Variants in FILIP1L observed in about 807,000 individuals in gnomAD.
FILIP1L encodes filamin A-interacting protein 1-like.
FILIP1L carries 55 observed loss-of-function variants against 96.6 expected under a neutral mutation model. That is an observed-to-expected ratio of 0.57 (90% confidence interval 0.46 to 0.71). The LOEUF (loss-of-function observed/expected upper bound fraction) is 0.71, where lower values mean the gene tolerates loss of function less well. Among genes scored for constraint, FILIP1L ranks in the 30% least tolerant of loss-of-function variants. The probability of loss-of-function intolerance (pLI) is 0.00; values close to 1 mark genes in which losing one functional copy is unlikely to be tolerated. For missense variants in FILIP1L, 1,304 were observed against 1,321.2 expected, an observed-to-expected ratio of 0.99 and a Z score of 0.20; for synonymous variants, 467 against 473.9, an observed-to-expected ratio of 0.99 and a Z score of 0.19.
intron 1 of FILIP1L, among the ~76,000 whole-genome samples, chr3:100,029,733 G>A (rs1223864994): frequency 2.0e-5 from 3 of 152,126 alleles, no homozygotes; most frequent in East Asian, 1.9e-4. Context: ...ATAAAAACCA[G>A]CAACTTCAAA....
chr3:99,939,319 A>G (rs1434960108), intron 1 of FILIP1L, among the ~76,000 whole-genome samples: 1 of 152,222 alleles, frequency 6.6e-6, no homozygotes, highest in Non-Finnish European at 1.5e-5. Context: ...TAGTTCGTGT[A>G]TCCTGGTTCT....
At chr3:100,021,960 T>TGTGTGTGTGTGAGAGAGA (rs1321185364) in intron 1 of FILIP1L, among the ~76,000 whole-genome samples, 5 of 93,332 alleles carry the variant, frequency 5.4e-5, no homozygotes, top group South Asian at 4.4e-4. Context: ...TGTGTGTGTG[T>TGTGTGTGTGTGAGAGAGA]GAGAGAGAGA....
intron 1 of FILIP1L, among the ~76,000 whole-genome samples, chr3:100,053,517 T>C (rs147502125): frequency 6.6e-6 from 1 of 152,334 alleles, no homozygotes; most frequent in South Asian, 2.1e-4. Context: ...GTCACTGGAT[T>C]GGGGCCTACC....
chr3:99,878,126 G>C (rs1260582250), intron 4 of FILIP1L, among the ~76,000 whole-genome samples: 4 of 152,134 alleles, frequency 2.6e-5, no homozygotes. Flanking sequence ...CTACTTGCCT[G>C]GTTACATTAC....
chr3:100,020,079 A>G (rs1227681700), intron 1 of FILIP1L, among the ~76,000 whole-genome samples: 1 of 152,274 alleles, frequency 6.6e-6, no homozygotes, highest in Non-Finnish European at 1.5e-5. Flanking sequence ...GCCTTACTAT[A>G]ATCCAGAACT....
At chr3:99,832,857 AG>A (rs1942736931) in intron 5 of FILIP1L, among the ~76,000 whole-genome samples, 1 of 139,340 alleles carries the variant, frequency 7.2e-6, no homozygotes, top group Non-Finnish European at 1.5e-5. Flanking sequence ...AAAAAAAAAA[AG>A]TTGTTTTTTT....
At chr3:99,949,997 A>T (rs1161979908) in intron 1 of FILIP1L, among the ~76,000 whole-genome samples, 1 of 152,156 alleles carries the variant, frequency 6.6e-6, no homozygotes, top group African/African-American at 2.4e-5. Context: ...TTTCATAATC[A>T]AAGGTATGCT....
At chr3:100,073,457 C>G (rs548705799) in intron 1 of FILIP1L, among the ~76,000 whole-genome samples, 1 of 152,058 alleles carries the variant, frequency 6.6e-6, no homozygotes, top group African/African-American at 2.4e-5. Flanking sequence ...GCAGCTTCCT[C>G]GAAAAGACTG....
intron 4 of FILIP1L, chr3:99,875,947 C>T: frequency 1.7e-6 from 1 of 586,396 alleles, no homozygotes; most frequent in Non-Finnish European, 2.2e-6. Context: ...TCATTGGATG[C>T]GCTTTGCGAA....
At chr3:99,838,617 T>C (rs1013946427) in intron 5 of FILIP1L, among the ~76,000 whole-genome samples, 4 of 152,160 alleles carry the variant, frequency 2.6e-5, no homozygotes, top group African/African-American at 9.7e-5. Flanking sequence ...ATTCAACTTA[T>C]AATGAATTTA....
chr3:99,895,197 AC>A (rs1377428015), intron 4 of FILIP1L, among the ~76,000 whole-genome samples: 1 of 152,096 alleles, frequency 6.6e-6, no homozygotes, highest in Admixed American at 6.5e-5. Context: ...GTTAAACTTA[AC>A]TATATTTTAT....
chr3:99,913,199 G>A (rs1706846428), intron 4 of FILIP1L, among the ~76,000 whole-genome samples: 1 of 152,130 alleles, frequency 6.6e-6, no homozygotes, highest in Non-Finnish European at 1.5e-5. Context: ...TTGTTTACAA[G>A]CCACCCAATC....
chr3:99,865,839 A>G (rs1259425409), intron 4 of FILIP1L, among the ~76,000 whole-genome samples: 2 of 151,878 alleles, frequency 1.3e-5, no homozygotes, highest in Non-Finnish European at 2.9e-5. Context: ...ATTGCTCACA[A>G]TCCATTTATA....
At chr3:99,998,811 C>T (rs887020269) in intron 1 of FILIP1L, among the ~76,000 whole-genome samples, 3 of 152,172 alleles carry the variant, frequency 2.0e-5, no homozygotes, top group Admixed American at 1.3e-4. Flanking sequence ...CCTCGTGATC[C>T]GCCCGCCTTA....
At chr3:100,045,569 A>T (rs1408677160) in intron 1 of FILIP1L, among the ~76,000 whole-genome samples, 1 of 151,812 alleles carries the variant, frequency 6.6e-6, no homozygotes, top group African/African-American at 2.4e-5. Context: ...AGGGGACTTC[A>T]TTTATCTTAA....
At chr3:100,096,964 A>G (rs2066220720) in intron 1 of FILIP1L, among the ~76,000 whole-genome samples, 1 of 152,208 alleles carries the variant, frequency 6.6e-6, no homozygotes, top group South Asian at 2.1e-4. Context: ...ACAACTATTT[A>G]CATAGCATTT....
chr3:100,051,925 A>G (rs960029044), intron 1 of FILIP1L, among the ~76,000 whole-genome samples: 1 of 148,808 alleles, frequency 6.7e-6, no homozygotes, highest in African/African-American at 2.4e-5. Context: ...ATTAAAATAT[A>G]TGTTTATAAT....
At chr3:100,047,914 G>A (rs189871773) in intron 1 of FILIP1L, among the ~76,000 whole-genome samples, 142 of 152,278 alleles carry the variant, frequency 9.3e-4, no homozygotes, top group African/African-American at 3.3e-3. Flanking sequence ...CTGGCACTTA[G>A]TAGGCAAATT....
At chr3:99,856,792 T>C (rs1371664952) in intron 4 of FILIP1L, among the ~76,000 whole-genome samples, 1 of 152,230 alleles carries the variant, frequency 6.6e-6, no homozygotes, top group Non-Finnish European at 1.5e-5. Flanking sequence ...ATAATATATG[T>C]CAGCACAGAT....
Sources: allele counts gnomAD v4.1 joint callset (sites outside exome capture counted in the v4.1 genomes callset), GRCh38; gene constraint gnomAD v4.1.1; transcripts MANE v1.5; gene names NCBI Gene and HGNC (gene_info 2026-07-23, HGNC 2026-07-21).